CD2AP: variants seen among roughly 807,000 people sequenced by gnomAD.
CD2AP encodes the protein CD2 associated protein.
Under a neutral mutation model 85.1 loss-of-function variants are expected in CD2AP, and 46 were observed. The observed-to-expected ratio is 0.54, with a 90% CI of 0.43 to 0.69. CD2AP has a LOEUF of 0.69. Among genes scored for constraint, CD2AP ranks in the 30% least tolerant of loss-of-function variants. The probability of loss-of-function intolerance (pLI) is 0.00; values close to 1 mark genes in which losing one functional copy is unlikely to be tolerated. For synonymous variants in CD2AP, 255 were observed against 252.9 expected (o/e 1.01, Z -0.08); for missense variants, 769 against 729.5 (o/e 1.05, Z -0.62).
At chr6:47,517,284 C>CTT (rs746217015) in intron 2 of CD2AP, among the ~76,000 whole-genome samples, 6 of 141,460 alleles carry the variant, frequency 4.2e-5, no homozygotes, top group Non-Finnish European at 6.2e-5. Flanking sequence ...AATTAAACTT[C>CTT]TTTTTTTTTT....
chr6:47,507,348 C>T (rs537638988), intron 2 of CD2AP, among the ~76,000 whole-genome samples: 100 of 152,284 alleles, frequency 6.6e-4, no homozygotes, highest in African/African-American at 2.4e-3. Flanking sequence ...TCTCATGAAT[C>T]ACAGATGTTA....
At chr6:47,577,896 TTTG>T (rs1768355865) in intron 8 of CD2AP, among the ~76,000 whole-genome samples, 1 of 152,154 alleles carries the variant, frequency 6.6e-6, no homozygotes, top group Non-Finnish European at 1.5e-5. Flanking sequence ...TTACACTGAC[TTTG>T]TTATAAGATG....
At chr6:47,580,295 A>AGT (rs1266842815) in intron 9 of CD2AP, among the ~76,000 whole-genome samples, 1 of 152,178 alleles carries the variant, frequency 6.6e-6, no homozygotes, top group African/African-American at 2.4e-5. Flanking sequence ...CCAACTTAGA[A>AGT]GTGTATATCA....
At chr6:47,551,084 T>A (rs1228718480) in intron 4 of CD2AP, among the ~76,000 whole-genome samples, 1 of 152,096 alleles carries the variant, frequency 6.6e-6, no homozygotes, top group Non-Finnish European at 1.5e-5. Flanking sequence ...GGGTGCAGTG[T>A]ATACTCCTCA....
At chr6:47,612,450 A>G in intron 16 of CD2AP, 23 bp from the exon 17 acceptor site, 4 of 1,477,378 alleles carry the variant, frequency 2.7e-6, no homozygotes, top group Non-Finnish European at 3.8e-6. Flanking sequence ...AAGACTTAAC[A>G]GTAATAAGTA....
intron 17 of CD2AP, among the ~76,000 whole-genome samples, chr6:47,616,114 T>A (rs1769579475): frequency 7.8e-6 from 1 of 128,030 alleles, no homozygotes; most frequent in Non-Finnish European, 1.6e-5. Flanking sequence ...TTTTTTGAGA[T>A]GAAGTCTTGC....
intron 17 of CD2AP, among the ~76,000 whole-genome samples, chr6:47,622,814 C>CTGT (rs2114167340): frequency 6.6e-6 from 1 of 152,296 alleles, no homozygotes; most frequent in Admixed American, 6.5e-5. Context: ...TCTCCGCATG[C>CTGT]TGTTCTGTCT....
chr6:47,600,132 A>G (rs190334040), intron 13 of CD2AP, among the ~76,000 whole-genome samples: 1 of 151,634 alleles, frequency 6.6e-6, no homozygotes, highest in East Asian at 1.9e-4. Context: ...AGTTTTTTTG[A>G]CTTTTTCAAA....
chr6:47,587,466 G>A lies in CD2AP; in HGVS notation c.1108+5401G>A, dbSNP rs1237880143. 2.6e-5 allele frequency among the ~76,000 whole-genome samples: 4 copies of A among 152,126 alleles called. No homozygotes were observed. The South Asian group carries it at 8.3e-4, about 31-fold the overall frequency. On this transcript the variant is annotated intron_variant, in intron 11 of 17. Transcript: ENST00000359314. The stretch of plus-strand genomic sequence containing the variant: ...ACTTTCTGTCCCAAGCCACCACGTG[G>A]ATTTTCTCAAACCTGCTTAGCAGTT...
intron 1 of CD2AP, among the ~76,000 whole-genome samples, chr6:47,478,756 G>T (rs1380505114): frequency 2.0e-5 from 3 of 152,082 alleles, no homozygotes; most frequent in Non-Finnish European, 4.4e-5. Context: ...CTCGCAAGGG[G>T]TGCCTCAAGG....
At chr6:47,584,419 AT>A (rs35951401) in intron 11 of CD2AP, among the ~76,000 whole-genome samples, 81,075 of 138,022 alleles carry the variant, frequency 0.59, 23,624 homozygotes, top group Middle Eastern at 0.73. Context: ...GTCTAGATTC[AT>A]TTTTTTTTTT....
At chr6:47,565,269 C>G (rs548066689) in intron 5 of CD2AP, among the ~76,000 whole-genome samples, 17 of 152,166 alleles carry the variant, frequency 1.1e-4, no homozygotes, top group African/African-American at 3.6e-4. Context: ...AGTATTCAGT[C>G]TCAGGGAAAG....
intron 17 of CD2AP, among the ~76,000 whole-genome samples, chr6:47,622,366 C>G (rs1769771473): frequency 6.6e-6 from 1 of 152,116 alleles, no homozygotes; most frequent in South Asian, 2.1e-4. Context: ...GGTCTCTCGC[C>G]CCGTTCAAAT....
At chr6:47,546,813 C>G (rs1335700789) in intron 4 of CD2AP, among the ~76,000 whole-genome samples, 1 of 152,166 alleles carries the variant, frequency 6.6e-6, no homozygotes, top group Non-Finnish European at 1.5e-5. Flanking sequence ...GACAGTCTAT[C>G]AAATTAACAG....
At chr6:47,564,152 AC>A (rs1366231558) in intron 5 of CD2AP, among the ~76,000 whole-genome samples, 3 of 152,194 alleles carry the variant, frequency 2.0e-5, no homozygotes, top group African/African-American at 4.8e-5. Context: ...TAGAGAACAT[AC>A]ATAAGTACCA....
At chr6:47,555,959 T>G (rs1767671250) in intron 5 of CD2AP, among the ~76,000 whole-genome samples, 1 of 152,104 alleles carries the variant, frequency 6.6e-6, no homozygotes, top group Admixed American at 6.6e-5. Context: ...GTAAAAATTT[T>G]GAAATTAAGT....
At chr6:47,559,301 C>T (rs72871169) in intron 5 of CD2AP, among the ~76,000 whole-genome samples, 9,822 of 150,172 alleles carry the variant, frequency 0.065, 446 homozygotes, top group Middle Eastern at 0.16. Flanking sequence ...ACTTTGTTGC[C>T]GAGCCTGGTG....
At chr6:47,607,070 T>G (rs1438512133) in intron 14 of CD2AP, among the ~76,000 whole-genome samples, 1 of 152,126 alleles carries the variant, frequency 6.6e-6, no homozygotes, top group Non-Finnish European at 1.5e-5. Flanking sequence ...TTTGTTCTTC[T>G]GTGCCAGGTT....
chr6:47,616,679 G>A (rs933643898), intron 17 of CD2AP, among the ~76,000 whole-genome samples: 1 of 152,158 alleles, frequency 6.6e-6, no homozygotes, highest in African/African-American at 2.4e-5. Context: ...ATGTACTGCA[G>A]TTACTTTCTC....
Sources: gnomAD v4.1 joint callset for allele counts (sites outside exome capture counted in the v4.1 genomes callset) on GRCh38, gnomAD v4.1.1 for gene constraint, MANE v1.5 for transcripts, NCBI Gene and HGNC (gene_info 2026-07-23, HGNC 2026-07-21) for gene names.